Variants in CCNI observed in about 807,000 individuals in gnomAD.
CCNI encodes the protein cyclin-I.
CCNI carries 14 observed loss-of-function variants against 34.1 expected under a neutral mutation model. That is an observed-to-expected ratio of 0.41 (90% confidence interval 0.27 to 0.64). The LOEUF is 0.64. Ranked by LOEUF, CCNI falls within the 30% of genes least tolerant of loss-of-function variation. CCNI has a pLI of 0.31. For missense variants in CCNI, 385 were observed against 440.5 expected (o/e 0.87, Z 1.13); for synonymous variants, 154 against 158.4 (o/e 0.97, Z 0.21).
chr4:77,052,526 C>T (rs1727936913), intron 6 of CCNI, among the ~76,000 whole-genome samples: 1 of 152,038 alleles, frequency 6.6e-6, no homozygotes, highest in Non-Finnish European at 1.5e-5. Flanking sequence ...AGGAAGATTG[C>T]CTTTCAAACC....
chr4:77,055,965 ATGAAGAAAATCCAATGGTGTGGC>A lies in CCNI; in HGVS notation c.433_455del (p.Ala145TyrfsTer10). On this transcript the variant is annotated frameshift_variant, in exon 5 of 7. Coordinates refer to ENST00000237654, the MANE Select transcript of CCNI (RefSeq NM_006835.3). LOFTEE classifies it high-confidence loss of function. ...AAAAGACTTCAGGTATATTTACAAT[ATGAAGAAAATCCAATGGTGTGGC>A]TGTGTGAAGATCCCAATTCAACTTA... The A allele has an allele frequency of 6.2e-7, 1 of 1,608,884 alleles. No homozygotes were observed. The highest frequency in any genetic ancestry group is 8.5e-7 in the Non-Finnish European group (1 of 1,177,586).
intron 1 of CCNI, among the ~76,000 whole-genome samples, chr4:77,069,429 T>TTA (rs200479056): frequency 0.036 from 5,193 of 145,662 alleles, 118 homozygotes; most frequent in East Asian, 0.071. Flanking sequence ...AATATCATTT[T>TTA]TATATATATA....
Position 77,056,296 on chromosome 4 carries a change from C to T in CCNI, c.271G>A (p.Ala91Thr). Reference sequence around the variant, plus strand: ...GCAGCTAGGAAAAAACAGCTGATTGCAATACAACTCAAGTATTTTGGATGA... The same window carrying T: ...GCAGCTAGGAAAAAACAGCTGATTGTAATACAACTCAAGTATTTTGGATGA... ...KAHPKYLSCIAISCFFLAAKT... is the reference protein window; with the variant it reads ...KAHPKYLSCITISCFFLAAKT... The change falls in exon 4 of 7, where the codon GCA (alanine) becomes ACA (threonine). Residue 91 changes from alanine (A) to threonine (T), a missense_variant. Physicochemically the swap from Ala to Thr is moderately conservative, Grantham distance 58. Around this residue, in one of 2 missense-constraint regions of CCNI, gnomAD observed 135 missense variants for 191.8 expected, o/e 0.70. Transcript: ENST00000237654. The T allele has an allele frequency of 2.5e-6, 4 of 1,613,550 alleles. No homozygotes were observed. Among genetic ancestry groups the T allele is most frequent in the Non-Finnish European group, 3.4e-6 (4 of 1,179,608 alleles).
chr4:77,048,458 G>T lies in CCNI; in HGVS notation c.895C>A (p.Pro299Thr), dbSNP rs758221920. The T allele has an allele frequency of 6.2e-7, 1 of 1,614,138 alleles. No homozygotes were observed. The highest frequency in any genetic ancestry group is 2.2e-5 in the East Asian group (1 of 44,888). Residue 299 changes from proline to threonine, a missense_variant, in exon 7 of 7, where the codon CCA becomes ACA. By Grantham distance (38) the Pro-to-Thr change is conservative. This residue lies in a region of CCNI where 250 missense variants were observed against 248.7 expected (regional missense o/e 1.01). Transcript: ENST00000237654. Reference protein sequence around the residue: ...FSKDNSKPEVPVRGTAAFYHH... With the variant: ...FSKDNSKPEVTVRGTAAFYHH... ...TAAAAGGCTGCTGTACCTCTGACTG[G>T]CACTTCTGGCTTGCTGTTGTCCTTG...
chr4:77,075,420 G>C (rs1729844025), intron 1 of CCNI, 52 bp downstream of exon 1: 1 of 817,426 alleles, frequency 1.2e-6, no homozygotes, highest in Admixed American at 6.3e-5. Flanking sequence ...CCAGCGCGTC[G>C]ACGCCGGCCG....
chr4:77,055,121 G>C lies in CCNI; in HGVS notation c.690+29C>G, dbSNP rs752769396. 6 of 1,450,986 alleles carry C rather than the reference G, an allele frequency of 4.1e-6. No individual in the cohort carries two copies. In the South Asian group the frequency reaches 5.8e-5, roughly 14 times the overall value. The allele number at this position is 1,450,986 out of a possible 1,614,324, so 89.9% of individuals were successfully genotyped here. On this transcript the variant is annotated intron_variant, in intron 6 of 6. Transcript: ENST00000237654. Reference sequence around the variant, plus strand: ...TTCCAATAATAGAAAAACTTAAAAAGAACACTATTTAATTAGACTGACACC... The same window carrying C: ...TTCCAATAATAGAAAAACTTAAAAACAACACTATTTAATTAGACTGACACC...
chr4:77,056,980 A>G (rs1252471167), intron 3 of CCNI, among the ~76,000 whole-genome samples: 1 of 152,212 alleles, frequency 6.6e-6, no homozygotes, highest in Non-Finnish European at 1.5e-5. Flanking sequence ...AACCAAAGCC[A>G]ATTAACCAAA....
chr4:77,075,673 G>GCT lies in CCNI; in HGVS notation c.-246_-245insAG. Reference sequence around the variant, plus strand: ...CGGGCGCGGGCGCTGGCGCTCGAGCGGGACGCACGGCTGCGGCCGCTGGGT... The same window carrying GCT: ...CGGGCGCGGGCGCTGGCGCTCGAGCGCTGGACGCACGGCTGCGGCCGCTGGGT... On this transcript the variant is annotated 5_prime_UTR_variant, in exon 1 of 7. Coordinates refer to ENST00000237654, the MANE Select transcript of CCNI (RefSeq NM_006835.3). 1 of 587,632 alleles carries GCT rather than the reference G, an allele frequency of 1.7e-6. No homozygotes were observed. Among genetic ancestry groups the GCT allele is most frequent in the East Asian group, 1.5e-4 (1 of 6,454 alleles). 36.4% of individuals were successfully genotyped at this position (587,632 alleles called of 1,614,324 possible). A position where few individuals can be genotyped will look rare whatever the true frequency, so the allele number is the denominator to read the frequency against.
chr4:77,058,677 C>A, intron 2 of CCNI, 42 bp from the exon 3 acceptor site: 1 of 1,579,444 alleles, frequency 6.3e-7, no homozygotes, highest in Non-Finnish European at 8.7e-7. Context: ...AAAGTTTGAG[C>A]TATCATCAAG....
chr4:77,050,079 C>G (rs1727724134), intron 6 of CCNI, among the ~76,000 whole-genome samples: 1 of 152,122 alleles, frequency 6.6e-6, no homozygotes, highest in African/African-American at 2.4e-5. Context: ...ATACCCTCAA[C>G]TTGTGGTCTA....
At chr4:77,073,882 A>G (rs1729679776) in intron 1 of CCNI, among the ~76,000 whole-genome samples, 1 of 152,212 alleles carries the variant, frequency 6.6e-6, no homozygotes, top group African/African-American at 2.4e-5. Flanking sequence ...ACTTGTAAAC[A>G]GCTTAACAAG....
intron 5 of CCNI, 86 bp from the exon 6 acceptor site, chr4:77,055,466 T>C: frequency 1.3e-5 from 6 of 479,838 alleles, no homozygotes; most frequent in African/African-American, 6.9e-5. Context: ...TTCAATTTCT[T>C]TTTTTTTTTT....
chr4:77,055,889 A>T, intron 5 of CCNI, 73 bp downstream of exon 5: 1 of 1,218,250 alleles, frequency 8.2e-7, no homozygotes, highest in Non-Finnish European at 1.2e-6. Flanking sequence ...ATAAATGAGT[A>T]GGCAATCTAT....
intron 3 of CCNI, chr4:77,056,538 T>C: frequency 2.0e-6 from 1 of 507,866 alleles, no homozygotes; most frequent in Non-Finnish European, 3.6e-6. Flanking sequence ...AGAGCAGTAA[T>C]GAAAGGAAGG....
chr4:77,059,001 C>T (rs1205087444), intron 2 of CCNI, among the ~76,000 whole-genome samples: 1 of 152,018 alleles, frequency 6.6e-6, no homozygotes, highest in African/African-American at 2.4e-5. Context: ...TAAGAAAATA[C>T]AGTGAATTTC....
intron 1 of CCNI, among the ~76,000 whole-genome samples, chr4:77,068,691 C>CT (rs4252817): frequency 0.23 from 34,905 of 151,998 alleles, 4,968 homozygotes; most frequent in East Asian, 0.38. Flanking sequence ...TTCATGGGCT[C>CT]TAAGAATTTT....
At chr4:77,064,051 G>A (rs1250403498) in intron 2 of CCNI, among the ~76,000 whole-genome samples, 4 of 151,996 alleles carry the variant, frequency 2.6e-5, no homozygotes, top group Admixed American at 6.6e-5. Context: ...AGACCAGCTC[G>A]GCCAACATGG....
chr4:77,072,706 T>A (rs1462355229), intron 1 of CCNI, among the ~76,000 whole-genome samples: 1 of 150,046 alleles, frequency 6.7e-6, no homozygotes, highest in African/African-American at 2.5e-5. Context: ...CTAGATCCTG[T>A]ACTGGAAGGA....
At chr4:77,055,448 G>T in intron 5 of CCNI, 68 bp from the exon 6 acceptor site, 1 of 1,022,232 alleles carries the variant, frequency 9.8e-7, no homozygotes, top group Non-Finnish European at 1.5e-6. Flanking sequence ...AGAAATTGAT[G>T]CAACCTATTC....
Sources: allele counts gnomAD v4.1 joint callset (sites outside exome capture counted in the v4.1 genomes callset), GRCh38; gene constraint gnomAD v4.1.1; regional missense constraint gnomAD v4.1.1; transcripts MANE v1.5; gene names NCBI Gene and HGNC (gene_info 2026-07-23, HGNC 2026-07-21).